The following FAAH2 variants were observed in gnomAD, a reference collection of about 807,000 sequenced individuals.
The protein encoded by FAAH2 is fatty acid amide hydrolase 2, also known as fatty-acid amide hydrolase 2.
Under a neutral mutation model 36.9 loss-of-function variants are expected in FAAH2, and 60 were observed. The ratio of observed to expected loss-of-function variants is 1.63; its 90% confidence interval spans 1.32 to 2.02. The LOEUF (loss-of-function observed/expected upper bound fraction) is 2.02, where lower values mean the gene tolerates loss of function less well. FAAH2 is among the 30% of genes most tolerant of loss of function. The probability of loss-of-function intolerance (pLI) is 0.00; values close to 1 mark genes in which losing one functional copy is unlikely to be tolerated. For missense variants in FAAH2, 689 were observed against 397.5 expected (o/e 1.73, Z -6.23); for synonymous variants, 214 against 143.8 (o/e 1.49, Z -3.49).
chrX:57,453,581 G>C lies in FAAH2; in HGVS notation c.1423+4863G>C, dbSNP rs1349832042. Among the ~76,000 whole-genome samples the C allele has an allele frequency of 2.7e-5, 3 of 110,049 alleles. No homozygotes were observed. The Admixed American group carries it at 2.9e-4, about 11-fold the overall frequency. ...ACTTCTGTCTGAACTCTGATGGCAGGAACAGCCTCTAGAATATAACCCAAC... is the reference window on the plus strand; with the variant it reads ...ACTTCTGTCTGAACTCTGATGGCAGCAACAGCCTCTAGAATATAACCCAAC... On this transcript the variant is annotated intron_variant, in intron 10 of 10. Transcript: ENST00000374900.
At chrX:57,308,517 A>T (rs1378953441) in intron 2 of FAAH2, among the ~76,000 whole-genome samples, 3 of 111,596 alleles carry the variant, frequency 2.7e-5, no homozygotes, top group Non-Finnish European at 5.7e-5. Context: ...AGTTCCTTAT[A>T]GATTCTGGAT....
rs142210416 is a variant in FAAH2, at chrX:57,428,265, A to C, written c.997-3653A>C. 3.6e-3 allele frequency among the ~76,000 whole-genome samples: 400 copies of C among 112,100 alleles called. 2 individuals are homozygous for C. Among genetic ancestry groups the C allele is most frequent in the African/African-American group, 0.013 (387 of 30,929 alleles). ...TGAGATGACAAAAATAAATTGAAAA[A>C]ATCTTATGCTCTTGAATAAGAGGAA... On this transcript the variant is annotated intron_variant, in intron 7 of 10. Coordinates refer to ENST00000374900, the MANE Select transcript of FAAH2 (RefSeq NM_174912.4).
chrX:57,476,826 A>C (rs1315047585), intron 10 of FAAH2, among the ~76,000 whole-genome samples: 1 of 105,709 alleles, frequency 9.5e-6, no homozygotes, highest in Non-Finnish European at 2.0e-5. Context: ...TGGGCTTTTT[A>C]AATTGATGTT....
At chrX:57,479,145 G>T (rs975819245) in intron 10 of FAAH2, among the ~76,000 whole-genome samples, 1 of 111,074 alleles carries the variant, frequency 9.0e-6, no homozygotes, top group African/African-American at 3.3e-5. Flanking sequence ...CCATTTTTTT[G>T]TATCCTCTTT....
intron 10 of FAAH2, among the ~76,000 whole-genome samples, chrX:57,474,502 G>A (rs1027669327): frequency 1.8e-5 from 2 of 111,260 alleles, no homozygotes; most frequent in Admixed American, 1.9e-4. Flanking sequence ...AATTATGGCT[G>A]CCAGCTTCAT....
In FAAH2 at chrX:57,334,869, C is replaced by T. The variant is rs1289060779; in HGVS notation, c.622+3062C>T. On this transcript the variant is annotated intron_variant, in intron 4 of 10. Coordinates refer to ENST00000374900, the MANE Select transcript of FAAH2 (RefSeq NM_174912.4). ...GGAGAATAAATGGAAACATTTAAAACCAGAGACTTAGCCTCCCACACAATT... is the reference window on the plus strand; with the variant it reads ...GGAGAATAAATGGAAACATTTAAAATCAGAGACTTAGCCTCCCACACAATT... Among the ~76,000 whole-genome samples the T allele has an allele frequency of 2.7e-5, 3 of 111,138 alleles. No homozygotes were observed. The South Asian group carries it at 1.2e-3, about 43-fold the overall frequency.
chrX:57,191,805 T>C, the FAAH2 span, among the ~76,000 whole-genome samples: 1 of 111,879 alleles, frequency 8.9e-6, no homozygotes, highest in Non-Finnish European at 1.9e-5. Context: ...GCTGAATGGA[T>C]TTGCTTTGGG....
At chrX:57,440,536 G>A (rs756168157) in intron 8 of FAAH2, among the ~76,000 whole-genome samples, 2 of 111,496 alleles carry the variant, frequency 1.8e-5, no homozygotes, top group East Asian at 5.7e-4. Flanking sequence ...ATACAGTCAT[G>A]TCATCTGCAA....
In FAAH2 at chrX:57,487,296, T is replaced by TA. The variant is rs765126527; in HGVS notation, c.1424-1450dup. ...ATGATAAATTAGAATTTGCCAAAAT[T>TA]AAAAAAAAAAACTATATTTCAAAAT... On this transcript the variant is annotated intron_variant, in intron 10 of 10. Transcript: ENST00000374900. Among the ~76,000 whole-genome samples, 263 of 102,471 alleles carry TA rather than the reference T, an allele frequency of 2.6e-3. 1 individual carries two copies. The highest frequency in any genetic ancestry group is 0.011 in the East Asian group (36 of 3,309). 89.0% of individuals were successfully genotyped at this position (102,471 alleles called of 115,157 possible).
At chrX:57,270,905 G>A in the FAAH2 span, among the ~76,000 whole-genome samples, 14 of 112,152 alleles carry the variant, frequency 1.2e-4, no homozygotes, top group African/African-American at 3.6e-4. Flanking sequence ...TGGCCAGTTG[G>A]GCAGTCACTG....
intron 10 of FAAH2, among the ~76,000 whole-genome samples, chrX:57,449,651 C>A (rs2056747938): frequency 9.1e-6 from 1 of 110,235 alleles, no homozygotes. Context: ...CCTTCCTGTC[C>A]TTCCTTCCTT....
At chrX:57,327,271 C>T (rs989424579) in intron 3 of FAAH2, among the ~76,000 whole-genome samples, 6 of 103,310 alleles carry the variant, frequency 5.8e-5, no homozygotes, top group Non-Finnish European at 9.8e-5. Context: ...CTGCCCTTAA[C>T]ATTTTTTCCT....
At chrX:57,264,401 C>T in the FAAH2 span, among the ~76,000 whole-genome samples, 39 of 112,373 alleles carry the variant, frequency 3.5e-4, 1 homozygote, top group East Asian at 6.7e-3. Flanking sequence ...CAAAAGAAGA[C>T]GCATATGCGG....
chrX:57,372,160 C>A (rs2054568284), intron 5 of FAAH2, among the ~76,000 whole-genome samples: 1 of 111,064 alleles, frequency 9.0e-6, no homozygotes, highest in African/African-American at 3.3e-5. Context: ...TGGGTATATA[C>A]CCAGTAATAG....
rs557228956 is a variant in FAAH2 at position 57,305,435 on chromosome X, C to T, written c.276-5158C>T. On this transcript the variant is annotated intron_variant, in intron 2 of 10. Coordinates refer to ENST00000374900, the MANE Select transcript of FAAH2 (RefSeq NM_174912.4). Reference sequence around the variant, plus strand: ...ACCTTCTAAATATCTCTCTCAAGATCTCATCTCTAAATAACTCTACTTTTC... The same window carrying T: ...ACCTTCTAAATATCTCTCTCAAGATTTCATCTCTAAATAACTCTACTTTTC... Among the ~76,000 whole-genome samples the T allele has an allele frequency of 4.7e-4, 52 of 111,168 alleles. No homozygotes were observed. The South Asian group carries it at 0.019, about 41-fold the overall frequency.
At chrX:57,446,384 C>A (rs2056674672) in intron 8 of FAAH2, among the ~76,000 whole-genome samples, 2 of 112,157 alleles carry the variant, frequency 1.8e-5, no homozygotes, top group Admixed American at 1.9e-4. Flanking sequence ...TTCTATTCAG[C>A]CATCCTGCTC....
chrX:57,423,723 T>C (rs779997511), intron 7 of FAAH2, among the ~76,000 whole-genome samples: 5 of 111,434 alleles, frequency 4.5e-5, no homozygotes, highest in East Asian at 2.8e-4. Context: ...GTGCGTGCCA[T>C]TGGGGAGCCT....
At chrX:57,269,422 C>A in the FAAH2 span, among the ~76,000 whole-genome samples, 4 of 111,455 alleles carry the variant, frequency 3.6e-5, no homozygotes, top group Admixed American at 3.8e-4. Flanking sequence ...ACAAAATATA[C>A]ATTTTTCTCA....
intron 10 of FAAH2, among the ~76,000 whole-genome samples, chrX:57,477,625 G>A (rs1226232987): frequency 1.2e-4 from 13 of 108,239 alleles, no homozygotes; most frequent in African/African-American, 4.4e-4. Context: ...ATCTCCTAAT[G>A]CTATCCCTCC....
Sources: allele counts gnomAD v4.1 joint callset (sites outside exome capture counted in the v4.1 genomes callset), GRCh38; gene constraint gnomAD v4.1.1; transcripts MANE v1.5; gene names NCBI Gene and HGNC (gene_info 2026-07-23, HGNC 2026-07-21).